The following GALNT13 variants were observed in gnomAD, a reference collection of about 807,000 sequenced individuals.
GALNT13 encodes polypeptide N-acetylgalactosaminyltransferase 13, also known as UDP-GalNAc:polypeptide N-acetylgalactosaminyltransferase 13.
In GALNT13, 28 loss-of-function variants were observed where a neutral mutation model predicts 64.2. The ratio of observed to expected loss-of-function variants is 0.44; its 90% CI spans 0.32 to 0.60. GALNT13 has a LOEUF of 0.60. Ranked by LOEUF, GALNT13 falls within the 20% of genes least tolerant of loss-of-function variation. The pLI is 0.05. For synonymous variants in GALNT13, 214 were observed against 224.6 expected, an observed-to-expected ratio of 0.95 and a Z score of 0.42; for missense variants, 577 against 669.8, an observed-to-expected ratio of 0.86 and a Z score of 1.53.
intron 10 of GALNT13, among the ~76,000 whole-genome samples, 155 bp from the exon 11 acceptor site, chr2:154,408,829 G>A (rs1699666262): frequency 6.6e-6 from 1 of 151,998 alleles, no homozygotes; most frequent in South Asian, 2.1e-4. Flanking sequence ...CACTGAAAAA[G>A]ACAAATATTT....
chr2:153,142,774 A>G, the GALNT13 span, among the ~76,000 whole-genome samples: 2 of 151,980 alleles, frequency 1.3e-5, no homozygotes, highest in Non-Finnish European at 2.9e-5. Flanking sequence ...ACAAGGGCCA[A>G]TTCCCAAAGC....
At chr2:153,218,569 T>C in the GALNT13 span, among the ~76,000 whole-genome samples, 1 of 152,238 alleles carries the variant, frequency 6.6e-6, no homozygotes, top group Non-Finnish European at 1.5e-5. Context: ...CAGTGGCTCA[T>C]GTACCCCTCT....
chr2:153,417,188 A>G, the GALNT13 span, among the ~76,000 whole-genome samples: 2 of 152,192 alleles, frequency 1.3e-5, no homozygotes, highest in African/African-American at 4.8e-5. Context: ...AATGCCAATA[A>G]TGTTCCAGGA....
chr2:153,652,259 A>G, the GALNT13 span, among the ~76,000 whole-genome samples: 2 of 152,186 alleles, frequency 1.3e-5, no homozygotes, highest in African/African-American at 2.4e-5. Context: ...AACCTATTCT[A>G]AAGGTTGTAA....
At chr2:153,264,185 A>G in the GALNT13 span, among the ~76,000 whole-genome samples, 1 of 152,256 alleles carries the variant, frequency 6.6e-6, no homozygotes, top group Non-Finnish European at 1.5e-5. Flanking sequence ...AAACATATGA[A>G]AAGCTCAACA....
chr2:153,649,950 G>A, the GALNT13 span, among the ~76,000 whole-genome samples: 1 of 152,138 alleles, frequency 6.6e-6, no homozygotes, highest in Non-Finnish European at 1.5e-5. Context: ...TGTTGATTTG[G>A]GGTGCAGAGT....
intron 1 of GALNT13, among the ~76,000 whole-genome samples, chr2:153,900,277 C>T (rs749729209): frequency 6.6e-6 from 1 of 152,228 alleles, no homozygotes; most frequent in South Asian, 2.1e-4. Flanking sequence ...TATGCTCTTT[C>T]AAAACCCTAC....
At chr2:154,277,653 A>C (rs532149754) in intron 8 of GALNT13, among the ~76,000 whole-genome samples, 2 of 152,122 alleles carry the variant, frequency 1.3e-5, no homozygotes, top group Non-Finnish European at 2.9e-5. Context: ...ATTTCATCCA[A>C]CTGTAAAAAA....
chr2:153,482,024 C>T, the GALNT13 span, among the ~76,000 whole-genome samples: 1 of 152,026 alleles, frequency 6.6e-6, no homozygotes, highest in Non-Finnish European at 1.5e-5. Context: ...ATAGCCAAAA[C>T]ATAAGAAAAA....
the GALNT13 span, among the ~76,000 whole-genome samples, chr2:153,237,229 T>G: frequency 6.6e-6 from 1 of 152,068 alleles, no homozygotes; most frequent in South Asian, 2.1e-4. Context: ...ATAGTAGCTA[T>G]ATATATTTAT....
At chr2:153,390,054 A>G in the GALNT13 span, among the ~76,000 whole-genome samples, 1 of 152,142 alleles carries the variant, frequency 6.6e-6, no homozygotes. Context: ...AAGACTTGGA[A>G]CCAACCCAAA....
intron 1 of GALNT13, among the ~76,000 whole-genome samples, chr2:153,883,333 G>C (rs1202480465): frequency 1.3e-5 from 2 of 151,820 alleles, no homozygotes; most frequent in African/African-American, 4.8e-5. Context: ...TGGACGTCTA[G>C]TAAGAAAACA....
chr2:154,187,393 C>T (rs1406225139), intron 4 of GALNT13, among the ~76,000 whole-genome samples: 1 of 151,288 alleles, frequency 6.6e-6, no homozygotes, highest in East Asian at 1.9e-4. Context: ...CACACACACA[C>T]ACACACACAC....
At chr2:153,846,476 A>C in the GALNT13 span, among the ~76,000 whole-genome samples, 2 of 152,152 alleles carry the variant, frequency 1.3e-5, no homozygotes, top group South Asian at 4.1e-4. Context: ...TGGTTCAATT[A>C]AAAGAAAAGG....
chr2:153,792,563 A>G, the GALNT13 span, among the ~76,000 whole-genome samples: 1 of 152,322 alleles, frequency 6.6e-6, no homozygotes, highest in Non-Finnish European at 1.5e-5. Flanking sequence ...TTTATATTGT[A>G]TGATAACCTG....
the GALNT13 span, among the ~76,000 whole-genome samples, chr2:153,424,860 C>G: frequency 6.6e-6 from 1 of 151,676 alleles, no homozygotes; most frequent in South Asian, 2.1e-4. Flanking sequence ...TTGAAAACAA[C>G]CTAGGTAAGG....
chr2:153,146,480 A>G, the GALNT13 span, among the ~76,000 whole-genome samples: 1 of 151,912 alleles, frequency 6.6e-6, no homozygotes, highest in Non-Finnish European at 1.5e-5. Context: ...CAAAATAAAG[A>G]AACTCTAACT....
chr2:154,031,832 T>C (rs1367132479), intron 3 of GALNT13, among the ~76,000 whole-genome samples: 1 of 151,924 alleles, frequency 6.6e-6, no homozygotes, highest in Non-Finnish European at 1.5e-5. Flanking sequence ...GTAACAGTCC[T>C]TTCTCACTAA....
At chr2:154,150,201 T>C (rs1683902576) in intron 4 of GALNT13, among the ~76,000 whole-genome samples, 1 of 152,216 alleles carries the variant, frequency 6.6e-6, no homozygotes, top group African/African-American at 2.4e-5. Context: ...GGTTTTTGTC[T>C]TTGGTTCTGT....
Sources: allele counts gnomAD v4.1 joint callset (sites outside exome capture counted in the v4.1 genomes callset), GRCh38; gene constraint gnomAD v4.1.1; transcripts MANE v1.5; gene names NCBI Gene and HGNC (gene_info 2026-07-23, HGNC 2026-07-21).